SOX5: variants seen among roughly 807,000 people sequenced by gnomAD.
SOX5 encodes transcription factor SOX-5.
SOX5 carries 9 observed loss-of-function variants against 92.0 expected under a neutral mutation model. The observed-to-expected ratio is 0.10, with a 90% confidence interval of 0.06 to 0.17. The LOEUF is 0.17. Among genes scored for constraint, SOX5 ranks in the 10% least tolerant of loss-of-function variants. SOX5 has a pLI of 1.00. For missense variants in SOX5, 642 were observed against 944.5 expected, an observed-to-expected ratio of 0.68 and a Z score of 4.20; for synonymous variants, 344 against 336.3, an observed-to-expected ratio of 1.02 and a Z score of -0.25.
chr12:24,451,001 T>A (rs1296595207), intron 1 of SOX5, among the ~76,000 whole-genome samples: 1 of 152,164 alleles, frequency 6.6e-6, no homozygotes, highest in Non-Finnish European at 1.5e-5. Flanking sequence ...TCTAACTCCA[T>A]GAGTTTTAAT....
chr12:23,589,509 T>A (rs1435484800), intron 9 of SOX5, among the ~76,000 whole-genome samples: 1 of 151,824 alleles, frequency 6.6e-6, no homozygotes, highest in Non-Finnish European at 1.5e-5. Flanking sequence ...AATTTCAAGA[T>A]ATCTAAAAAA....
At chr12:24,071,219 A>G (rs1420077519) in intron 4 of SOX5, among the ~76,000 whole-genome samples, 1 of 152,214 alleles carries the variant, frequency 6.6e-6, no homozygotes, top group Non-Finnish European at 1.5e-5. Context: ...TGGCTTAAAA[A>G]TTAAATGCTC....
intron 6 of SOX5, among the ~76,000 whole-genome samples, chr12:23,721,039 A>T (rs1190745247): frequency 1.3e-5 from 2 of 151,988 alleles, no homozygotes; most frequent in East Asian, 3.8e-4. Context: ...GCTGGACCGA[A>T]TTATCTCTAA....
At chr12:24,235,205 T>C (rs1275055771) in intron 3 of SOX5, among the ~76,000 whole-genome samples, 1 of 152,246 alleles carries the variant, frequency 6.6e-6, no homozygotes, top group Non-Finnish European at 1.5e-5. Flanking sequence ...CAGGCATTCA[T>C]ATAGCCTATG....
At chr12:23,863,680 A>G (rs1005106436) in intron 2 of SOX5, among the ~76,000 whole-genome samples, 1 of 152,036 alleles carries the variant, frequency 6.6e-6, no homozygotes, top group African/African-American at 2.4e-5. Context: ...AACATCTTCA[A>G]CTTTCTATAC....
At chr12:23,865,162 C>T (rs553564545) in intron 2 of SOX5, among the ~76,000 whole-genome samples, 43 of 152,268 alleles carry the variant, frequency 2.8e-4, no homozygotes, top group African/African-American at 9.9e-4. Flanking sequence ...CTGTTTACAA[C>T]ATGGTTTACT....
rs1217459514 is a variant in SOX5 at position 23,580,842 on chromosome 12, T to A, written c.1165-5004A>T. Among the ~76,000 whole-genome samples the A allele has an allele frequency of 2.0e-5, 3 of 152,058 alleles. No individual in the cohort carries two copies. In the East Asian group the frequency reaches 5.8e-4, roughly 29 times the overall value. On this transcript the variant is annotated intron_variant, in intron 9 of 14. Coordinates refer to ENST00000451604, the MANE Select transcript of SOX5 (RefSeq NM_006940.6). ...CAGTTAATCCCAGCCAATGAAAATTTGCAACAGATTAAAAAACCATTGCAT... is the reference window on the plus strand; with the variant it reads ...CAGTTAATCCCAGCCAATGAAAATTAGCAACAGATTAAAAAACCATTGCAT...
At chr12:23,601,993 G>T (rs982658873) in intron 9 of SOX5, among the ~76,000 whole-genome samples, 2 of 152,068 alleles carry the variant, frequency 1.3e-5, no homozygotes, top group Admixed American at 6.6e-5. Flanking sequence ...TTAAACCTTT[G>T]TGTATTTTAC....
At chr12:24,095,121 A>ACACACACACG (rs1945184670) in intron 4 of SOX5, among the ~76,000 whole-genome samples, 1 of 84,386 alleles carries the variant, frequency 1.2e-5, no homozygotes, top group African/African-American at 3.6e-5. Context: ...ACACACACAC[A>ACACACACACG]CACACACAGA....
intron 1 of SOX5, among the ~76,000 whole-genome samples, chr12:24,424,819 G>GA (rs1555286242): frequency 7.7e-5 from 11 of 143,568 alleles, no homozygotes; most frequent in Non-Finnish European, 1.7e-4. Context: ...GGGGGGGGGG[G>GA]ATGGCTGTTT....
At chr12:24,558,601 C>G (rs939205445) in intron 1 of SOX5, among the ~76,000 whole-genome samples, 1 of 152,158 alleles carries the variant, frequency 6.6e-6, no homozygotes, top group Admixed American at 6.5e-5. Flanking sequence ...AAGGTTAGAT[C>G]TTTGCTTCAT....
At chr12:23,569,035 CA>C (rs1310966334) in intron 10 of SOX5, among the ~76,000 whole-genome samples, 2 of 151,852 alleles carry the variant, frequency 1.3e-5, no homozygotes, top group African/African-American at 4.8e-5. Flanking sequence ...CAAAAAAACA[CA>C]AAAAATTAGT....
At chr12:23,582,276 C>T in intron 9 of SOX5, 1 of 985,104 alleles carries the variant, frequency 1.0e-6, no homozygotes, top group Non-Finnish European at 1.2e-6. Flanking sequence ...ACTACAGCTC[C>T]ATAGAGGTTT....
At chr12:24,027,223 C>T (rs1303403320) in intron 4 of SOX5, among the ~76,000 whole-genome samples, 1 of 152,004 alleles carries the variant, frequency 6.6e-6, no homozygotes, top group African/African-American at 2.4e-5. Flanking sequence ...ATGACTCACC[C>T]TAGGCCCTCT....
At chr12:23,844,597 C>T (rs986666730) in intron 3 of SOX5, among the ~76,000 whole-genome samples, 2 of 152,088 alleles carry the variant, frequency 1.3e-5, no homozygotes, top group African/African-American at 4.8e-5. Context: ...TAACTTCCTA[C>T]ACCTTTCAAA....
At chr12:23,988,487 C>T (rs981767071) in intron 4 of SOX5, among the ~76,000 whole-genome samples, 13 of 152,100 alleles carry the variant, frequency 8.5e-5, no homozygotes, top group African/African-American at 2.9e-4. Flanking sequence ...TTCTTTGGAT[C>T]ATAAGAGATA....
intron 2 of SOX5, among the ~76,000 whole-genome samples, chr12:24,304,752 C>T (rs1159467344): frequency 1.3e-5 from 2 of 152,190 alleles, no homozygotes; most frequent in Non-Finnish European, 2.9e-5. Context: ...CCTGTCAAGC[C>T]TGCTCTCCTC....
chr12:24,072,627 C>T (rs2137460203), intron 4 of SOX5, among the ~76,000 whole-genome samples: 1 of 152,340 alleles, frequency 6.6e-6, no homozygotes, highest in South Asian at 2.1e-4. Context: ...GCCATAACTA[C>T]TTACTTCCAG....
intron 1 of SOX5, among the ~76,000 whole-genome samples, chr12:23,942,808 C>T (rs554930780): frequency 3.3e-5 from 5 of 152,078 alleles, no homozygotes; most frequent in Middle Eastern, 6.8e-3. Flanking sequence ...AATGAAACCC[C>T]ATGCATCTCC....
Sources: gnomAD v4.1 joint callset for allele counts (sites outside exome capture counted in the v4.1 genomes callset) on GRCh38, gnomAD v4.1.1 for gene constraint, MANE v1.5 for transcripts, NCBI Gene and HGNC (gene_info 2026-07-23, HGNC 2026-07-21) for gene names.